The following OR2A12 variants were observed in gnomAD, a reference collection of about 807,000 sequenced individuals.
OR2A12 encodes the protein olfactory receptor family 2 subfamily A member 12, also known as olfactory receptor 2A12.
For missense variants in OR2A12, 380 were observed against 372.5 expected, an observed-to-expected ratio of 1.02 and a Z score of -0.17; for synonymous variants, 153 against 149.3, an observed-to-expected ratio of 1.02 and a Z score of -0.18.
chr7:144,096,206 A>G lies in OR2A12; in HGVS notation c.*166A>G, dbSNP rs1586902579. 3.6e-6 allele frequency: 2 copies of G among 554,432 alleles called. No homozygotes were observed. The highest frequency in any genetic ancestry group is 6.2e-6 in the Non-Finnish European group (2 of 321,692). 34.3% of individuals were successfully genotyped at this position (554,432 alleles called of 1,614,324 possible). A position where few individuals can be genotyped will look rare whatever the true frequency, so the allele number is the denominator to read the frequency against. On this transcript the variant is annotated 3_prime_UTR_variant, in exon 2 of 2. Transcript: ENST00000641592. ...GTGGTGGCTGAAGCCTGTAATCCCA[A>G]CACTTTGGGAGGCTGACCTGGGCGG...
Position 144,098,588 on chromosome 7 carries a change from T to C in OR2A12, c.*2548T>C, listed in dbSNP as rs1368150449. Reference sequence around the variant, plus strand: ...ATGGAAAATATAGAGTTTAAAAAAATAGGTTCTCTGGCTCCAGAGCTGGTA... The same window carrying C: ...ATGGAAAATATAGAGTTTAAAAAAACAGGTTCTCTGGCTCCAGAGCTGGTA... On this transcript the variant is annotated 3_prime_UTR_variant, in exon 2 of 2. Coordinates refer to ENST00000641592, the MANE Select transcript of OR2A12 (RefSeq NM_001004135.2). The C allele has an allele frequency of 6.6e-6, 1 of 152,114 alleles. No homozygotes were observed. Among genetic ancestry groups the C allele is most frequent in the Non-Finnish European group, 1.5e-5 (1 of 68,012 alleles). The allele number at this position is 152,114 out of a possible 1,614,324, so 9.4% of individuals were successfully genotyped here.
chr7:144,089,523 T>C (rs1177194630), intron 1 of OR2A12, among the ~76,000 whole-genome samples: 1 of 152,202 alleles, frequency 6.6e-6, no homozygotes, highest in Non-Finnish European at 1.5e-5. Flanking sequence ...CACAGACTTA[T>C]TTATACTTGC....
At position 144,098,454 on chromosome 7, in the gene OR2A12, A is replaced by C. The variant is rs775868949; in HGVS notation, c.*2414A>C. 6.6e-6 allele frequency: 1 copy of C among 152,094 alleles called. No homozygotes were observed. The highest frequency in any genetic ancestry group is 6.6e-5 in the Admixed American group (1 of 15,252). 9.4% of individuals were successfully genotyped at this position (152,094 alleles called of 1,614,324 possible). ...AGAAGCAACCAAGTTAGGGGGAGAG[A>C]GATGCATTTTTATGTTCTATTTATT... On this transcript the variant is annotated 3_prime_UTR_variant, in exon 2 of 2. Transcript: ENST00000641592.
Position 144,096,166 on chromosome 7 carries a change from A to G in OR2A12, c.*126A>G, listed in dbSNP as rs1269522575. 3.9e-6 allele frequency: 3 copies of G among 768,098 alleles called. No homozygotes were observed. The East Asian group carries it at 7.9e-5, about 20-fold the overall frequency. 47.6% of individuals were successfully genotyped at this position (768,098 alleles called of 1,614,324 possible). On this transcript the variant is annotated 3_prime_UTR_variant, in exon 2 of 2. Transcript: ENST00000641592. ...TTATCTTTAGACTTCTTATAAAAAG[A>G]GAAACTGGCCTGGCGTGGTGGCTGA...
Position 144,095,043 on chromosome 7 carries a change from T to C in OR2A12, c.-51-14T>C. 9.2e-7 allele frequency: 1 copy of C among 1,086,394 alleles called. No individual in the cohort carries two copies. The highest frequency in any genetic ancestry group is 1.3e-6 in the Non-Finnish European group (1 of 743,084). 67.3% of individuals were successfully genotyped at this position (1,086,394 alleles called of 1,614,324 possible). On this transcript the variant is annotated splice_polypyrimidine_tract_variant and intron_variant, in intron 1 of 1. Transcript: ENST00000641592. The stretch of plus-strand genomic sequence containing the variant: ...ATGCTCTATAATGAAATGTTTTTTA[T>C]TTTCTCCCATTAGCTGTGAAATTTC...
chr7:144,090,448 T>C (rs944873673), intron 1 of OR2A12, among the ~76,000 whole-genome samples: 1 of 151,978 alleles, frequency 6.6e-6, no homozygotes, highest in South Asian at 2.1e-4. Context: ...ACAAAGTTAT[T>C]AAATTTTTAA....
rs1245268045 is a variant in OR2A12 at position 144,096,016 on chromosome 7, C to A, written c.909C>A (p.Val303=). Residue 303 remains valine, a synonymous_variant, in exon 2 of 2, where the codon GTC becomes GTA. Transcript: ENST00000641592. ...AGGTGAAAGGGGCTCTAAAGAGAGT[C>A]CTTTGGAAACAGAGATCAATGTGAA... is the stretch of plus-strand genomic sequence containing the variant. ...NAEVKGALKR[V]LWKQRSM 1 of 1,597,972 alleles carries A rather than the reference C, an allele frequency of 6.3e-7. No individual in the cohort carries two copies. Among genetic ancestry groups the A allele is most frequent in the African/African-American group, 1.4e-5 (1 of 74,066 alleles).
chr7:144,092,583 A>C (rs1040927792), intron 1 of OR2A12, among the ~76,000 whole-genome samples: 1 of 151,816 alleles, frequency 6.6e-6, no homozygotes, highest in African/African-American at 2.4e-5. Context: ...TATGTATTTT[A>C]TTCTTTTTGT....
intron 1 of OR2A12, among the ~76,000 whole-genome samples, chr7:144,087,097 G>T (rs528008410): frequency 6.6e-6 from 1 of 152,246 alleles, no homozygotes; most frequent in African/African-American, 2.4e-5. Flanking sequence ...ATATATTCCT[G>T]CTGCCTCCTT....
chr7:144,092,034 T>G (rs2051230861), intron 1 of OR2A12, among the ~76,000 whole-genome samples: 1 of 152,164 alleles, frequency 6.6e-6, no homozygotes, highest in Non-Finnish European at 1.5e-5. Context: ...TTGCATATGG[T>G]GTAAGGAAGG....
At position 144,096,037 on chromosome 7, in the gene OR2A12, G is replaced by A; in HGVS notation, c.930G>A (p.Met310Ile). The stretch of plus-strand genomic sequence containing the variant: ...GAGTCCTTTGGAAACAGAGATCAAT[G>A]TGAAGAATCATTTGAGATATCCTGA... ...LKRVLWKQRS[M>I] The change falls in exon 2 of 2, where the codon ATG becomes ATA. Residue 310 changes from methionine to isoleucine, a missense_variant. Coordinates refer to ENST00000641592, the MANE Select transcript of OR2A12 (RefSeq NM_001004135.2). 1 of 1,581,274 alleles carries A rather than the reference G, an allele frequency of 6.3e-7. No homozygotes were observed. The highest frequency in any genetic ancestry group is 8.6e-7 in the Non-Finnish European group (1 of 1,164,704).
chr7:144,094,976 G>GAAA, intron 1 of OR2A12, 81 bp from the exon 2 acceptor site: 1 of 628,538 alleles, frequency 1.6e-6, no homozygotes, highest in South Asian at 2.2e-5. Context: ...TGGGCTGGAT[G>GAAA]TACCCATGAA....
chr7:144,090,280 T>C (rs1220587890), intron 1 of OR2A12, among the ~76,000 whole-genome samples: 2 of 151,866 alleles, frequency 1.3e-5, no homozygotes, highest in Non-Finnish European at 2.9e-5. Context: ...AAGAGACAAA[T>C]AAAATTATAG....
rs2051277245 is a variant in OR2A12 at position 144,097,751 on chromosome 7, T to A, written c.*1711T>A. 1 of 152,150 alleles carries A rather than the reference T, an allele frequency of 6.6e-6. No individual in the cohort carries two copies. Among genetic ancestry groups the A allele is most frequent in the Admixed American group, 6.5e-5 (1 of 15,274 alleles). The allele number at this position is 152,150 out of a possible 1,614,324, so 9.4% of individuals were successfully genotyped here. On this transcript the variant is annotated 3_prime_UTR_variant, in exon 2 of 2. Coordinates refer to ENST00000641592, the MANE Select transcript of OR2A12 (RefSeq NM_001004135.2). ...TGTGGCATGGCATATCACTGGGGAATGAAAAAGCTTTGAAGTAAATGGTGT... is the reference window on the plus strand; with the variant it reads ...TGTGGCATGGCATATCACTGGGGAAAGAAAAAGCTTTGAAGTAAATGGTGT...
Position 144,095,051 on chromosome 7 carries a change from C to T in OR2A12, c.-51-6C>T, listed in dbSNP as rs1733203550. ...TAATGAAATGTTTTTTATTTTCTCC[C>T]ATTAGCTGTGAAATTTCTGTCTTAA... On this transcript the variant is annotated splice_polypyrimidine_tract_variant and splice_region_variant and intron_variant, in intron 1 of 1. Coordinates refer to ENST00000641592, the MANE Select transcript of OR2A12 (RefSeq NM_001004135.2). 1.8e-5 allele frequency: 20 copies of T among 1,139,394 alleles called. No individual in the cohort carries two copies. Among genetic ancestry groups the T allele is most frequent in the Admixed American group, 2.2e-5 (1 of 44,760 alleles). The allele number at this position is 1,139,394 out of a possible 1,614,324, so 70.6% of individuals were successfully genotyped here.
In OR2A12 at chr7:144,097,480, G is replaced by T. The variant is rs944465618; in HGVS notation, c.*1440G>T. The stretch of plus-strand genomic sequence containing the variant: ...CAATCCCAATCAATATCGCAGCAGG[G>T]TGTGTGGATGTGTGCAGAACTCAAC... On this transcript the variant is annotated 3_prime_UTR_variant, in exon 2 of 2. Transcript: ENST00000641592. The T allele has an allele frequency of 2.6e-5, 4 of 152,150 alleles. No homozygotes were observed. The highest frequency in any genetic ancestry group is 9.7e-5 in the African/African-American group (4 of 41,420). 9.4% of individuals were successfully genotyped at this position (152,150 alleles called of 1,614,324 possible). A position where few individuals can be genotyped will look rare whatever the true frequency, so the allele number is the denominator to read the frequency against.
chr7:144,098,674 C>T lies in OR2A12; in HGVS notation c.*2634C>T, dbSNP rs1258004431. ...AGATCAGGTGCCAAGCATCGTCGAG[C>T]TCTAGTGGGGACTTTCTTCTGGCTT... On this transcript the variant is annotated 3_prime_UTR_variant, in exon 2 of 2. Transcript: ENST00000641592. The T allele has an allele frequency of 3.3e-5, 5 of 152,170 alleles. No homozygotes were observed. Among genetic ancestry groups the T allele is most frequent in the Admixed American group, 3.3e-4 (5 of 15,276 alleles). 9.4% of individuals were successfully genotyped at this position (152,170 alleles called of 1,614,324 possible).
chr7:144,089,927 C>T (rs10253225), intron 1 of OR2A12, among the ~76,000 whole-genome samples: 90,144 of 151,952 alleles, frequency 0.59, 27,375 homozygotes, highest in East Asian at 0.73. Context: ...ATATTCGATT[C>T]ACCTCTGGGT....
At chr7:144,094,094 C>A (rs1481462755) in intron 1 of OR2A12, among the ~76,000 whole-genome samples, 2 of 152,112 alleles carry the variant, frequency 1.3e-5, no homozygotes, top group East Asian at 3.8e-4. Context: ...TGTTTTAAAA[C>A]AAACATGTTT....
Sources: gnomAD v4.1 joint callset for allele counts (sites outside exome capture counted in the v4.1 genomes callset) on GRCh38, gnomAD v4.1.1 for gene constraint, MANE v1.5 for transcripts, NCBI Gene and HGNC (gene_info 2026-07-23, HGNC 2026-07-21) for gene names.